Variants in PRH1 observed in about 807,000 individuals in gnomAD.
The protein encoded by PRH1 is proline rich protein HaeIII subfamily 1, also known as salivary acidic proline-rich phosphoprotein 1/2.
PRH1 carries 7 observed loss-of-function variants against 7.9 expected under a neutral mutation model. That is an observed-to-expected ratio of 0.89 (90% CI 0.50 to 1.67). The LOEUF is 1.67. PRH1 is among the 40% of genes most tolerant of loss of function. The pLI is 0.00. For synonymous variants in PRH1, 45 were observed against 80.8 expected, an observed-to-expected ratio of 0.56 and a Z score of 2.38; for missense variants, 109 against 223.6, an observed-to-expected ratio of 0.49 and a Z score of 3.27.
intron 2 of PRH1, among the ~76,000 whole-genome samples, chr12:10,899,721 A>G (rs188978366): frequency 3.3e-5 from 5 of 152,278 alleles, no homozygotes; most frequent in Admixed American, 3.3e-4. Flanking sequence ...TGAACTAAAT[A>G]AACCTCTTTT....
chr12:10,990,536 T>C (rs1939883904), intron 1 of PRH1, among the ~76,000 whole-genome samples: 1 of 152,178 alleles, frequency 6.6e-6, no homozygotes, highest in Non-Finnish European at 1.5e-5. Context: ...CAAATGATTA[T>C]AGGACTTTGT....
chr12:10,940,459 C>T (rs1257996151), intron 2 of PRH1, among the ~76,000 whole-genome samples: 1 of 152,188 alleles, frequency 6.6e-6, no homozygotes, highest in Admixed American at 6.5e-5. Flanking sequence ...AGGTAGAAAT[C>T]TATCTATTGT....
At position 11,096,061 on chromosome 12, in the gene PRH1, T is replaced by C. The variant is rs1443468131; in HGVS notation, n.124-48873A>G. 1.8e-5 allele frequency among the ~76,000 whole-genome samples: 2 copies of C among 113,734 alleles called. 1 individual carries two copies. The highest frequency in any genetic ancestry group is 4.1e-5 in the Non-Finnish European group (2 of 48,422). The allele number at this position is 113,734 out of a possible 152,430, so 74.6% of individuals were successfully genotyped here. On this transcript the variant is annotated intron_variant and non_coding_transcript_variant, in intron 1 of 4. Transcript: ENST00000541977. ...GTCCTGTCATTTTATGTTAATTTGG[T>C]TTTAGTTATCGTGTCTGAAGTCTGA...
chr12:11,145,795 G>A (rs1240172515), intron 1 of PRH1, among the ~76,000 whole-genome samples: 5 of 152,070 alleles, frequency 3.3e-5, no homozygotes, highest in Non-Finnish European at 7.4e-5. Flanking sequence ...ATATTCTGCT[G>A]AACTCTGAGA....
chr12:11,099,272 T>C (rs770549427), intron 1 of PRH1, among the ~76,000 whole-genome samples: 3 of 152,148 alleles, frequency 2.0e-5, no homozygotes, highest in Non-Finnish European at 4.4e-5. Context: ...ACCATGAGAA[T>C]ATCGCCTCGC....
chr12:11,014,115 A>G (rs964192721), intron 1 of PRH1, among the ~76,000 whole-genome samples: 2 of 152,202 alleles, frequency 1.3e-5, no homozygotes, highest in African/African-American at 4.8e-5. Flanking sequence ...TGAATAAATA[A>G]ATAATATAAA....
At chr12:10,991,585 T>C (rs989618174) in intron 1 of PRH1, among the ~76,000 whole-genome samples, 2 of 152,198 alleles carry the variant, frequency 1.3e-5, no homozygotes, top group African/African-American at 4.8e-5. Context: ...TATGTAACTA[T>C]ATGTATATAA....
chr12:11,072,559 C>T (rs188249561), intron 1 of PRH1, among the ~76,000 whole-genome samples: 1,717 of 152,090 alleles, frequency 0.011, no homozygotes, highest in Non-Finnish European at 0.018. Context: ...TGGAATTGAT[C>T]ACTACCATGA....
intron 2 of PRH1, chr12:10,909,157 G>A (rs1402985137): frequency 5.6e-6 from 9 of 1,613,974 alleles, no homozygotes; most frequent in African/African-American, 1.3e-5. Context: ...AAGATAATGA[G>A]GAGTTTATCG....
At chr12:11,108,773 G>T (rs1468571499) in intron 1 of PRH1, among the ~76,000 whole-genome samples, 1 of 152,170 alleles carries the variant, frequency 6.6e-6, no homozygotes, top group Non-Finnish European at 1.5e-5. Context: ...AGCTGCAGAA[G>T]TTTTTTGTCA....
intron 1 of PRH1, among the ~76,000 whole-genome samples, chr12:11,102,648 T>C: frequency 6.6e-6 from 1 of 152,120 alleles, no homozygotes; most frequent in Non-Finnish European, 1.5e-5. Flanking sequence ...ACTTCATGGC[T>C]AAAACACCAA....
intron 1 of PRH1, among the ~76,000 whole-genome samples, chr12:11,132,483 A>T (rs377225578): frequency 1.3e-5 from 2 of 152,248 alleles, no homozygotes; most frequent in African/African-American, 4.8e-5. Flanking sequence ...ATCTGAGCTC[A>T]ATTTCAAAAA....
chr12:11,139,292 C>T (rs1477872571), intron 1 of PRH1, among the ~76,000 whole-genome samples: 4 of 152,012 alleles, frequency 2.6e-5, no homozygotes, highest in African/African-American at 7.2e-5. Context: ...TGTTACCAAA[C>T]CTTGGTCAGA....
intron 2 of PRH1, among the ~76,000 whole-genome samples, chr12:10,900,451 CTT>C (rs1298042143): frequency 9.9e-5 from 15 of 152,184 alleles, no homozygotes; most frequent in African/African-American, 2.9e-4. Context: ...GCATTTTAGT[CTT>C]GGGCCAGATA....
chr12:11,069,358 A>G (rs1450090180), intron 1 of PRH1, among the ~76,000 whole-genome samples: 2 of 152,100 alleles, frequency 1.3e-5, no homozygotes, highest in Non-Finnish European at 2.9e-5. Context: ...ATTTGGCTAC[A>G]TTGTCAGTAA....
chr12:11,030,892 G>A (rs1468806707), intron 1 of PRH1: 3 of 1,614,178 alleles, frequency 1.9e-6, no homozygotes, highest in Admixed American at 3.3e-5. Flanking sequence ...TCTCTTTCAT[G>A]TTTATCACAA....
intron 2 of PRH1, among the ~76,000 whole-genome samples, chr12:10,952,091 A>T (rs560977992): frequency 2.0e-5 from 3 of 152,190 alleles, no homozygotes; most frequent in Non-Finnish European, 4.4e-5. Context: ...CATTTGTATA[A>T]CTGATTTCAA....
intron 2 of PRH1, among the ~76,000 whole-genome samples, chr12:10,902,946 A>C (rs1203629825): frequency 6.6e-6 from 1 of 152,172 alleles, no homozygotes; most frequent in Non-Finnish European, 1.5e-5. Flanking sequence ...AAGAAACCAC[A>C]CAATAGAAAC....
At chr12:11,016,661 T>C (rs1468137533) in intron 1 of PRH1, among the ~76,000 whole-genome samples, 1 of 152,218 alleles carries the variant, frequency 6.6e-6, no homozygotes, top group Non-Finnish European at 1.5e-5. Flanking sequence ...GTTTTGAAGG[T>C]CAGATGCTAC....
Sources: gnomAD v4.1 joint callset for allele counts (sites outside exome capture counted in the v4.1 genomes callset) on GRCh38, gnomAD v4.1.1 for gene constraint, MANE v1.5 for transcripts, NCBI Gene and HGNC (gene_info 2026-07-23, HGNC 2026-07-21) for gene names.